FHIP1A: variants seen among roughly 807,000 people sequenced by gnomAD.
FHIP1A encodes FHF complex subunit HOOK-interacting protein 1A.
Under a neutral mutation model 88.6 loss-of-function variants are expected in FHIP1A, and 61 were observed. The ratio of observed to expected loss-of-function variants is 0.69; its 90% CI spans 0.56 to 0.85. FHIP1A has a LOEUF of 0.85. Among genes scored for constraint, FHIP1A ranks in the 40% least tolerant of loss-of-function variants. The probability of loss-of-function intolerance (pLI) is 0.00; values close to 1 mark genes in which losing one functional copy is unlikely to be tolerated. For missense variants in FHIP1A, 1,154 were observed against 1,273.5 expected, an observed-to-expected ratio of 0.91 and a Z score of 1.43; for synonymous variants, 478 against 496.0, an observed-to-expected ratio of 0.96 and a Z score of 0.48.
At chr4:151,426,287 G>A (rs1733372855) in intron 1 of FHIP1A, among the ~76,000 whole-genome samples, 2 of 152,004 alleles carry the variant, frequency 1.3e-5, no homozygotes, top group African/African-American at 2.4e-5. Flanking sequence ...AGATTCTTTA[G>A]TAATCATTTC....
chr4:151,410,537 C>A (rs1308338925), intron 1 of FHIP1A, among the ~76,000 whole-genome samples: 1 of 152,094 alleles, frequency 6.6e-6, no homozygotes, highest in African/African-American at 2.4e-5. Flanking sequence ...TACCTTTATC[C>A]TGTTGATTAA....
chr4:151,463,694 A>G (rs1415542551), intron 2 of FHIP1A, among the ~76,000 whole-genome samples: 2 of 152,226 alleles, frequency 1.3e-5, no homozygotes, highest in African/African-American at 4.8e-5. Flanking sequence ...GTCACAAAGA[A>G]AAGTTTTAAC....
chr4:151,662,608 C>T lies in FHIP1A; in HGVS notation c.2977C>T (p.Pro993Ser), dbSNP rs1411229778. 2 of 1,551,370 alleles carry T rather than the reference C, an allele frequency of 1.3e-6. No individual in the cohort carries two copies. The highest frequency in any genetic ancestry group is 1.4e-5 in the African/African-American group (1 of 73,114). Residue 993 changes from proline to serine, a missense_variant, in exon 14 of 14, where the codon CCC becomes TCC. Physicochemically the swap from Pro to Ser is moderately conservative, Grantham distance 74. Coordinates refer to ENST00000435205, the MANE Select transcript of FHIP1A (RefSeq NM_001109977.3). ...CCACAGAACCAAGGTGGCTGAGGCA[C>T]CCCCCAACCTGCCCCTGCCGGTGAG... ...LTHRTKVAEA[P>S]PNLPLPVRNP... is the part of the protein sequence containing the mutation.
chr4:151,523,000 A>G (rs1380540074), intron 3 of FHIP1A, among the ~76,000 whole-genome samples: 2 of 152,214 alleles, frequency 1.3e-5, no homozygotes, highest in Non-Finnish European at 2.9e-5. Flanking sequence ...ATGATCATTT[A>G]TACACTGTCA....
chr4:151,572,793 A>G (rs1375323371), intron 4 of FHIP1A, among the ~76,000 whole-genome samples: 1 of 152,242 alleles, frequency 6.6e-6, no homozygotes, highest in Non-Finnish European at 1.5e-5. Flanking sequence ...ATAATTACCT[A>G]CTGATACATG....
intron 2 of FHIP1A, among the ~76,000 whole-genome samples, chr4:151,468,842 C>T (rs74866701): frequency 0.012 from 1,815 of 152,204 alleles, 33 homozygotes; most frequent in African/African-American, 0.038. Flanking sequence ...TCCTTAAGGG[C>T]AGCACCTATG....
At chr4:151,528,380 A>C (rs1731758631) in intron 3 of FHIP1A, among the ~76,000 whole-genome samples, 1 of 152,346 alleles carries the variant, frequency 6.6e-6, no homozygotes, top group South Asian at 2.1e-4. Context: ...AATGTACATC[A>C]TGGGTATCTG....
At chr4:151,431,694 A>C (rs1437206547) in intron 1 of FHIP1A, among the ~76,000 whole-genome samples, 2 of 152,216 alleles carry the variant, frequency 1.3e-5, no homozygotes, top group Non-Finnish European at 2.9e-5. Context: ...GAGAATTAAT[A>C]CTTTCTAAAC....
At chr4:151,657,873 G>C (rs1737308025) in intron 13 of FHIP1A, among the ~76,000 whole-genome samples, 1 of 152,230 alleles carries the variant, frequency 6.6e-6, no homozygotes, top group South Asian at 2.1e-4. Context: ...CCCCTGTGCA[G>C]CTATTTGATC....
intron 8 of FHIP1A, among the ~76,000 whole-genome samples, chr4:151,630,605 A>G (rs968070509): frequency 1.3e-5 from 2 of 152,180 alleles, no homozygotes; most frequent in Non-Finnish European, 2.9e-5. Context: ...AGCAACCACT[A>G]AGAAAATAAC....
At chr4:151,542,064 C>T (rs1169647204) in intron 3 of FHIP1A, among the ~76,000 whole-genome samples, 1 of 152,114 alleles carries the variant, frequency 6.6e-6, no homozygotes, top group Non-Finnish European at 1.5e-5. Flanking sequence ...AGAGGAACCT[C>T]TCTCACTTTG....
chr4:151,502,797 C>A (rs1175760185), intron 3 of FHIP1A, among the ~76,000 whole-genome samples: 2 of 152,188 alleles, frequency 1.3e-5, no homozygotes, highest in African/African-American at 4.8e-5. Flanking sequence ...GCAAGGACAA[C>A]TAAAAACACT....
At chr4:151,435,768 G>C (rs921101021) in intron 1 of FHIP1A, among the ~76,000 whole-genome samples, 7 of 142,098 alleles carry the variant, frequency 4.9e-5, no homozygotes, top group African/African-American at 1.9e-4. Context: ...CTGGGTGACA[G>C]AGTGAAACTC....
chr4:151,513,435 C>CA, intron 3 of FHIP1A, among the ~76,000 whole-genome samples: 1 of 152,302 alleles, frequency 6.6e-6, no homozygotes, highest in South Asian at 2.1e-4. Flanking sequence ...ATGACAGGAT[C>CA]AAATTCACAT....
intron 8 of FHIP1A, among the ~76,000 whole-genome samples, chr4:151,630,087 G>C (rs1386891455): frequency 6.6e-6 from 1 of 152,114 alleles, no homozygotes; most frequent in Non-Finnish European, 1.5e-5. Flanking sequence ...GTCAAGAGGT[G>C]ACACTTACTG....
chr4:151,574,229 C>T (rs966563387), intron 4 of FHIP1A, among the ~76,000 whole-genome samples: 1 of 152,154 alleles, frequency 6.6e-6, no homozygotes, highest in Non-Finnish European at 1.5e-5. Context: ...GCAGTAAAAC[C>T]AGTGGGTTAG....
At chr4:151,603,511 C>T (rs1734955687) in intron 7 of FHIP1A, among the ~76,000 whole-genome samples, 1 of 152,056 alleles carries the variant, frequency 6.6e-6, no homozygotes. Context: ...ACTATTCCTG[C>T]ACTGATTGAC....
intron 3 of FHIP1A, among the ~76,000 whole-genome samples, chr4:151,523,494 C>A (rs775397289): frequency 6.6e-6 from 1 of 152,122 alleles, no homozygotes; most frequent in Non-Finnish European, 1.5e-5. Context: ...AACATACTCT[C>A]TTTTGTTCTC....
chr4:151,597,420 C>A (rs1022605121), intron 7 of FHIP1A, among the ~76,000 whole-genome samples: 1 of 152,144 alleles, frequency 6.6e-6, no homozygotes, highest in Non-Finnish European at 1.5e-5. Context: ...CAGAGGGTCA[C>A]CCGCCAGATG....
Sources: gnomAD v4.1 joint callset for allele counts (sites outside exome capture counted in the v4.1 genomes callset) on GRCh38, gnomAD v4.1.1 for gene constraint, MANE v1.5 for transcripts, NCBI Gene and HGNC (gene_info 2026-07-23, HGNC 2026-07-21) for gene names.